The following GBF1 variants were observed in gnomAD, a reference collection of about 807,000 sequenced individuals.
GBF1 encodes golgi brefeldin A resistant guanine nucleotide exchange factor 1.
Under a neutral mutation model 210.5 loss-of-function variants are expected in GBF1, and 114 were observed. That is an observed-to-expected ratio of 0.54 (90% confidence interval 0.47 to 0.63). The LOEUF is 0.63. Among genes scored for constraint, GBF1 ranks in the 30% least tolerant of loss-of-function variants. The pLI is 0.00. For synonymous variants in GBF1, 850 were observed against 889.2 expected (o/e 0.96, Z 0.78); for missense variants, 1,851 against 2,357.7 (o/e 0.79, Z 4.45).
At chr10:102,275,917 A>C (rs7069432) in intron 3 of GBF1, among the ~76,000 whole-genome samples, 7 of 152,226 alleles carry the variant, frequency 4.6e-5, no homozygotes, top group African/African-American at 1.7e-4. Flanking sequence ...ACTGCATCTT[A>C]ATCAGTTTCA....
Position 102,330,674 on chromosome 10 carries a change from A to C in GBF1, c.164-13377A>C, listed in dbSNP as rs561020547. Among the ~76,000 whole-genome samples, 3 of 152,174 alleles carry C rather than the reference A, an allele frequency of 2.0e-5. No homozygotes were observed. The South Asian group carries it at 6.2e-4, about 32-fold the overall frequency. Reference sequence around the variant, plus strand: ...GCACTCCAGCCTGGGCAACAAGAGCAAAATTCCATCTCAAAAAAAAAATAA... The same window carrying C: ...GCACTCCAGCCTGGGCAACAAGAGCCAAATTCCATCTCAAAAAAAAAATAA... On this transcript the variant is annotated intron_variant, in intron 3 of 39. Coordinates refer to ENST00000369983, the MANE Select transcript of GBF1 (RefSeq NM_001377137.1).
chr10:102,329,550 G>A (rs1374216091), intron 3 of GBF1, among the ~76,000 whole-genome samples: 4 of 151,982 alleles, frequency 2.6e-5, no homozygotes, highest in East Asian at 1.9e-4. Context: ...TGCAAGCTCC[G>A]CCTCCCAGGT....
rs1189962340 is a variant in GBF1, at chr10:102,363,636, T to C, written c.2018-74T>C. 1 of 993,610 alleles carries C rather than the reference T, an allele frequency of 1.0e-6. No individual in the cohort carries two copies. The highest frequency in any genetic ancestry group is 1.6e-6 in the Non-Finnish European group (1 of 620,650). The allele number at this position is 993,610 out of a possible 1,614,324, so 61.5% of individuals were successfully genotyped here. A position where few individuals can be genotyped will look rare whatever the true frequency, so the allele number is the denominator to read the frequency against. The stretch of plus-strand genomic sequence containing the variant: ...TTCTTGAAACTGGGGAGTATATTGG[T>C]GACCTTCCAAAAGTCCTTATCTGGG... On this transcript the variant is annotated intron_variant, in intron 16 of 39. Coordinates refer to ENST00000369983, the MANE Select transcript of GBF1 (RefSeq NM_001377137.1). This position sits in a 1 kb window ranked among gnomAD's most constrained non-coding sequence, Gnocchi z 4.2.
At chr10:102,282,383 A>G (rs1034180633) in intron 3 of GBF1, among the ~76,000 whole-genome samples, 1 of 152,142 alleles carries the variant, frequency 6.6e-6, no homozygotes, top group Non-Finnish European at 1.5e-5. Flanking sequence ...AAGTGTGATT[A>G]TGATTTGGAA....
At chr10:102,300,976 CTTTT>C (rs11413620) in intron 3 of GBF1, among the ~76,000 whole-genome samples, 83 of 136,266 alleles carry the variant, frequency 6.1e-4, no homozygotes, top group Non-Finnish European at 1.0e-3. Context: ...ATTTTCTTTT[CTTTT>C]TTTTTTTTTT....
At chr10:102,293,817 G>GC in intron 3 of GBF1, among the ~76,000 whole-genome samples, 1 of 99,666 alleles carries the variant, frequency 1.0e-5, no homozygotes, top group South Asian at 3.7e-4. Flanking sequence ...TCACTCTGTC[G>GC]CCCAGGCTAG....
intron 1 of GBF1, 100 bp downstream of exon 1, chr10:102,245,881 G>T (rs1428425757): frequency 6.6e-6 from 1 of 152,312 alleles, no homozygotes; most frequent in African/African-American, 2.4e-5. Context: ...GCGAGCCAAG[G>T]TGGGCTAAGG....
chr10:102,377,182 G>T, intron 33 of GBF1, 42 bp downstream of exon 33: 1 of 1,524,724 alleles, frequency 6.6e-7, no homozygotes, highest in Non-Finnish European at 9.1e-7. Flanking sequence ...CCCTGCACCT[G>T]ATACTGGGAG....
chr10:102,362,027 A>G, intron 14 of GBF1, 115 bp downstream of exon 14: 1 of 485,056 alleles, frequency 2.1e-6, no homozygotes. Context: ...GGGAAATAGA[A>G]GAAAGGCATT....
chr10:102,338,815 G>T (rs1446709473), intron 3 of GBF1, among the ~76,000 whole-genome samples: 1 of 151,716 alleles, frequency 6.6e-6, no homozygotes, highest in Non-Finnish European at 1.5e-5. Flanking sequence ...GCGTGGTGGC[G>T]CTCATCAGTA....
At chr10:102,291,564 A>G (rs1163693722) in intron 3 of GBF1, among the ~76,000 whole-genome samples, 2 of 152,196 alleles carry the variant, frequency 1.3e-5, no homozygotes, top group African/African-American at 4.8e-5. Context: ...CAGCTCTCAG[A>G]AAGGTGGAAA....
chr10:102,352,501 G>T lies in GBF1; in HGVS notation c.567G>T (p.Val189=), dbSNP rs777558712. 1 of 1,611,524 alleles carries T rather than the reference G, an allele frequency of 6.2e-7. No homozygotes were observed. The highest frequency in any genetic ancestry group is 1.1e-5 in the South Asian group (1 of 91,030). Residue 189 remains valine, a synonymous_variant, in exon 7 of 40, where the codon GTG becomes GTT. Transcript: ENST00000369983. ...KSAEHTLVDM[V]QLLFTRLPQF... is the part of the protein sequence containing the mutation. ...CAGAGCACACTCTCGTAGACATGGT[G>T]CAGCTGCTCTTCACAAGGTAAACCT... is the stretch of plus-strand genomic sequence containing the variant.
At chr10:102,334,529 C>T (rs1435683426) in intron 3 of GBF1, among the ~76,000 whole-genome samples, 2 of 152,184 alleles carry the variant, frequency 1.3e-5, no homozygotes, top group Non-Finnish European at 2.9e-5. Flanking sequence ...GAGATGGTAG[C>T]AGCTCTGACA....
At chr10:102,257,241 TTGTCAC>T (rs1382444375) in intron 1 of GBF1, among the ~76,000 whole-genome samples, 2 of 152,226 alleles carry the variant, frequency 1.3e-5, no homozygotes, top group Admixed American at 6.5e-5. Flanking sequence ...TTCAAAGGTC[TTGTCAC>T]TGTCACTGTC....
At chr10:102,306,124 G>A (rs1347394226) in intron 3 of GBF1, among the ~76,000 whole-genome samples, 1 of 152,172 alleles carries the variant, frequency 6.6e-6, no homozygotes, top group Non-Finnish European at 1.5e-5. Context: ...ATCATAATTA[G>A]CTGTGTTACC....
chr10:102,370,968 C>A, intron 29 of GBF1, 108 bp downstream of exon 29: 2 of 1,093,502 alleles, frequency 1.8e-6, no homozygotes, highest in Non-Finnish European at 2.7e-6. Flanking sequence ...TGCCCCATAG[C>A]ATGAGTCCAG....
intron 3 of GBF1, 34 bp downstream of exon 3, chr10:102,260,150 T>A: frequency 9.3e-6 from 10 of 1,073,886 alleles, no homozygotes; most frequent in Non-Finnish European, 1.3e-5. Context: ...TTACTAATCT[T>A]GGTAAAAAAT....
intron 20 of GBF1, 64 bp from the exon 21 acceptor site, chr10:102,367,414 G>A (rs2273555): frequency 0.59 from 717,431 of 1,206,748 alleles, 215,609 homozygotes; most frequent in East Asian, 0.74. Context: ...TGAAAACCCA[G>A]GAGTTCCTTA....
Position 102,358,526 on chromosome 10 carries a change from G to A in GBF1, c.808G>A (p.Val270Met), listed in dbSNP as rs2059417896. 1.2e-6 allele frequency: 2 copies of A among 1,613,114 alleles called. No homozygotes were observed. The highest frequency in any genetic ancestry group is 1.1e-5 in the South Asian group (1 of 91,060). ...GGCAGGTGGCATGCCCTTCATTGAT[G>A]TGCCCACTCCCATCTCCTCTGCAAG... is the stretch of plus-strand genomic sequence containing the variant. ...NLTGGMPFIDVPTPISSASSE... is the reference protein window; with the variant it reads ...NLTGGMPFIDMPTPISSASSE... Residue 270 changes from valine (V) to methionine (M), a missense_variant, in exon 10 of 40, where the codon GTG (valine) becomes ATG (methionine). Around this residue, in one of 3 missense-constraint regions of GBF1, gnomAD observed 804 missense variants for 958.6 expected, o/e 0.84. Coordinates refer to ENST00000369983, the MANE Select transcript of GBF1 (RefSeq NM_001377137.1).
Sources: allele counts gnomAD v4.1 joint callset (sites outside exome capture counted in the v4.1 genomes callset), GRCh38; gene constraint gnomAD v4.1.1; regional missense constraint gnomAD v4.1.1; non-coding constraint Gnocchi (gnomAD v3.1); transcripts MANE v1.5; gene names NCBI Gene and HGNC (gene_info 2026-07-23, HGNC 2026-07-21).